The following ADGRB3 variants were observed in gnomAD, a reference collection of about 807,000 sequenced individuals.
The protein encoded by ADGRB3 is adhesion G protein-coupled receptor B3.
A neutral mutation model predicts 193.4 loss-of-function variants in ADGRB3; 37 were observed. The observed-to-expected ratio is 0.19, with a 90% confidence interval of 0.15 to 0.25. The LOEUF (loss-of-function observed/expected upper bound fraction) is 0.25. Ranked by LOEUF, ADGRB3 falls within the 10% of genes least tolerant of loss-of-function variation. The pLI is 1.00. For synonymous variants in ADGRB3, 690 were observed against 644.2 expected (o/e 1.07, Z -1.08); for missense variants, 1,637 against 1,852.9 (o/e 0.88, Z 2.14).
chr6:69,180,208 G>A (rs1775541676), intron 17 of ADGRB3, among the ~76,000 whole-genome samples: 1 of 152,236 alleles, frequency 6.6e-6, no homozygotes, highest in African/African-American at 2.4e-5. Context: ...CCTGGGTGTG[G>A]CGTAGAGCAG....
At chr6:69,014,197 C>G in intron 12 of ADGRB3, 91 bp downstream of exon 12, 1 of 949,454 alleles carries the variant, frequency 1.1e-6, no homozygotes, top group East Asian at 2.6e-5. Context: ...TTCAGGAAAA[C>G]AAGATATTTT....
intron 17 of ADGRB3, among the ~76,000 whole-genome samples, chr6:69,112,103 T>C (rs1773381611): frequency 6.6e-6 from 1 of 152,218 alleles, no homozygotes; most frequent in Non-Finnish European, 1.5e-5. Flanking sequence ...AAGATTTTTT[T>C]CTTCTCACTT....
chr6:68,674,627 A>G (rs909896257), intron 3 of ADGRB3, among the ~76,000 whole-genome samples: 4 of 152,182 alleles, frequency 2.6e-5, no homozygotes, highest in African/African-American at 9.6e-5. Context: ...TTTCAAGTCC[A>G]GGTGACCTAT....
At chr6:69,220,116 C>A (rs998370) in intron 17 of ADGRB3, among the ~76,000 whole-genome samples, 22,119 of 151,604 alleles carry the variant, frequency 0.15, 1,656 homozygotes, top group Middle Eastern at 0.16. Flanking sequence ...GGGAGATTTT[C>A]TCTGAGAATA....
intron 17 of ADGRB3, among the ~76,000 whole-genome samples, chr6:69,078,786 C>T (rs1026692434): frequency 2.0e-5 from 3 of 151,900 alleles, no homozygotes; most frequent in Admixed American, 6.6e-5. Flanking sequence ...TTCTTATTTT[C>T]GTTTGGTTAC....
chr6:69,279,031 T>C (rs1288070452), intron 20 of ADGRB3, among the ~76,000 whole-genome samples: 1 of 143,802 alleles, frequency 7.0e-6, no homozygotes, highest in African/African-American at 2.5e-5. Flanking sequence ...AATTCACTTC[T>C]CACTTCCTCA....
intron 3 of ADGRB3, among the ~76,000 whole-genome samples, chr6:68,682,689 A>G (rs1176191108): frequency 6.6e-6 from 1 of 152,214 alleles, no homozygotes; most frequent in Non-Finnish European, 1.5e-5. Flanking sequence ...ACTCCACACA[A>G]TTAAAAATTT....
At chr6:69,114,126 C>A (rs1773454646) in intron 17 of ADGRB3, among the ~76,000 whole-genome samples, 1 of 152,124 alleles carries the variant, frequency 6.6e-6, no homozygotes, top group Non-Finnish European at 1.5e-5. Flanking sequence ...TGAATACTCA[C>A]CCTATCCCAG....
intron 3 of ADGRB3, among the ~76,000 whole-genome samples, chr6:68,807,687 T>A (rs1419446636): frequency 6.6e-6 from 1 of 152,158 alleles, no homozygotes; most frequent in Admixed American, 6.5e-5. Flanking sequence ...CAGATATACT[T>A]ATTTCAAATT....
chr6:69,302,803 C>A (rs373132329), intron 20 of ADGRB3, among the ~76,000 whole-genome samples: 1 of 152,078 alleles, frequency 6.6e-6, no homozygotes. Flanking sequence ...CAATAAACTC[C>A]TGCTGGAGAA....
At chr6:68,805,212 A>G (rs913657002) in intron 3 of ADGRB3, among the ~76,000 whole-genome samples, 9 of 152,298 alleles carry the variant, frequency 5.9e-5, no homozygotes, top group African/African-American at 2.2e-4. Flanking sequence ...AATTATTGGG[A>G]TTACAGGTGT....
At chr6:69,220,716 C>T (rs777402879) in intron 17 of ADGRB3, among the ~76,000 whole-genome samples, 4 of 152,052 alleles carry the variant, frequency 2.6e-5, no homozygotes, top group Non-Finnish European at 5.9e-5. Context: ...GAGGGTTCAG[C>T]GCTGCCCTTC....
At chr6:69,200,251 T>C (rs889604648) in intron 17 of ADGRB3, among the ~76,000 whole-genome samples, 1 of 152,098 alleles carries the variant, frequency 6.6e-6, no homozygotes, top group Admixed American at 6.6e-5. Context: ...GTTACCTGCA[T>C]TTCACAAAAG....
intron 13 of ADGRB3, among the ~76,000 whole-genome samples, chr6:69,047,955 C>G (rs1000186462): frequency 2.0e-5 from 3 of 152,150 alleles, no homozygotes; most frequent in African/African-American, 7.2e-5. Context: ...TATTGACCAC[C>G]ATTGTATGAT....
intron 3 of ADGRB3, among the ~76,000 whole-genome samples, chr6:68,845,888 A>G (rs1768263886): frequency 6.6e-6 from 1 of 152,204 alleles, no homozygotes; most frequent in South Asian, 2.1e-4. Context: ...TGACTTTGGA[A>G]CTGGGTAACA....
At chr6:68,900,281 T>A (rs1313445488) in intron 3 of ADGRB3, among the ~76,000 whole-genome samples, 1 of 152,168 alleles carries the variant, frequency 6.6e-6, no homozygotes, top group Non-Finnish European at 1.5e-5. Flanking sequence ...GTTACCTTAT[T>A]TCTGAGAATG....
chr6:69,035,348 A>G (rs866822134), intron 13 of ADGRB3, among the ~76,000 whole-genome samples: 1 of 122,278 alleles, frequency 8.2e-6, no homozygotes, highest in South Asian at 3.2e-4. Flanking sequence ...TATAGGACCT[A>G]TGGGTTTTTT....
intron 17 of ADGRB3, among the ~76,000 whole-genome samples, chr6:69,203,631 C>G (rs1213351934): frequency 6.6e-6 from 1 of 152,076 alleles, no homozygotes; most frequent in Non-Finnish European, 1.5e-5. Flanking sequence ...TGGTCCCTGC[C>G]CTTTTCTGCA....
chr6:69,187,739 A>G (rs980857792), intron 17 of ADGRB3, among the ~76,000 whole-genome samples: 10 of 152,146 alleles, frequency 6.6e-5, no homozygotes, highest in African/African-American at 2.4e-4. Context: ...TCAAGAACTC[A>G]CCCATCTATG....
Sources: gnomAD v4.1 joint callset for allele counts (sites outside exome capture counted in the v4.1 genomes callset) on GRCh38, gnomAD v4.1.1 for gene constraint, MANE v1.5 for transcripts, NCBI Gene and HGNC (gene_info 2026-07-23, HGNC 2026-07-21) for gene names.